The following ITGAV variants were observed in gnomAD, a reference collection of about 807,000 sequenced individuals.
ITGAV encodes the protein integrin subunit alpha V, also known as integrin alpha-V.
A neutral mutation model predicts 143.8 loss-of-function variants in ITGAV; 76 were observed. The ratio of observed to expected loss-of-function variants is 0.53; its 90% CI spans 0.44 to 0.64. The LOEUF (loss-of-function observed/expected upper bound fraction) is 0.64, where lower values mean the gene tolerates loss of function less well. Ranked by LOEUF, ITGAV falls within the 30% of genes least tolerant of loss-of-function variation. ITGAV has a pLI of 0.00. For missense variants in ITGAV, 1,193 were observed against 1,274.7 expected (o/e 0.94, Z 0.98); for synonymous variants, 453 against 446.7 (o/e 1.01, Z -0.18).
At chr2:186,590,557 C>T (rs200563846) in intron 1 of ITGAV, 34 bp downstream of exon 1, 253 of 1,572,562 alleles carry the variant, frequency 1.6e-4, no homozygotes, top group Non-Finnish European at 2.1e-4. Flanking sequence ...GAGCCGGCCC[C>T]CTCCCCCACC....
At chr2:186,645,301 T>C (rs570107164) in intron 12 of ITGAV, among the ~76,000 whole-genome samples, 316 of 152,210 alleles carry the variant, frequency 2.1e-3, no homozygotes, top group Non-Finnish European at 3.6e-3. Flanking sequence ...CAGAACGACA[T>C]TGATCTATCA....
At position 186,592,600 on chromosome 2, in the gene ITGAV, A is replaced by G. The variant is rs190657726; in HGVS notation, c.185+2077A>G. 2.6e-3 allele frequency among the ~76,000 whole-genome samples: 395 copies of G among 151,910 alleles called. 7 individuals carry two copies. The highest frequency in any genetic ancestry group is 0.015 in the Admixed American group (229 of 15,272). On this transcript the variant is annotated intron_variant, in intron 1 of 29. Coordinates refer to ENST00000261023, the MANE Select transcript of ITGAV (RefSeq NM_002210.5). The stretch of plus-strand genomic sequence containing the variant: ...TTTTTTTTTTTTCCATGAAAAATGC[A>G]GTGATGTTGAACTCTTCATGATATT...
intron 1 of ITGAV, among the ~76,000 whole-genome samples, chr2:186,593,372 C>CA (rs1224033967): frequency 1.3e-5 from 2 of 151,716 alleles, no homozygotes; most frequent in African/African-American, 2.4e-5. Flanking sequence ...GGCGGCCCCT[C>CA]AAAAAATCAC....
chr2:186,594,925 C>T (rs1422022311), intron 1 of ITGAV, among the ~76,000 whole-genome samples: 1 of 152,094 alleles, frequency 6.6e-6, no homozygotes, highest in Non-Finnish European at 1.5e-5. Context: ...GAAAGCAAAT[C>T]CTATATTACT....
At chr2:186,620,214 A>G (rs1687483522) in intron 2 of ITGAV, among the ~76,000 whole-genome samples, 1 of 152,106 alleles carries the variant, frequency 6.6e-6, no homozygotes, top group Admixed American at 6.5e-5. Flanking sequence ...ACTATTTTCC[A>G]CCATAATTGC....
chr2:186,595,324 T>C (rs920289732), intron 1 of ITGAV, among the ~76,000 whole-genome samples: 11 of 152,210 alleles, frequency 7.2e-5, no homozygotes, highest in Non-Finnish European at 8.8e-5. Context: ...TGTCATTGTT[T>C]GGCAGGTTGC....
chr2:186,618,592 A>G (rs1371099041), intron 2 of ITGAV, among the ~76,000 whole-genome samples: 1 of 152,250 alleles, frequency 6.6e-6, no homozygotes, highest in East Asian at 1.9e-4. Flanking sequence ...GTGCCACCGT[A>G]TACAAATTTA....
rs201057350 is a variant in ITGAV at position 186,656,214 on chromosome 2, A to G, written c.1565-33A>G. ...TAGGATAGATAGATGTCCATAAAGA[A>G]TATGTTGGTTATAAATCCTTTGGTT... On this transcript the variant is annotated intron_variant, in intron 16 of 29. Coordinates refer to ENST00000261023, the MANE Select transcript of ITGAV (RefSeq NM_002210.5). The G allele has an allele frequency of 7.4e-5, 114 of 1,531,370 alleles. No individual in the cohort carries two copies. In the African/African-American group the frequency reaches 1.3e-3, roughly 18 times the overall value. The allele number at this position is 1,531,370 out of a possible 1,614,324, so 94.9% of individuals were successfully genotyped here.
intron 24 of ITGAV, chr2:186,668,164 C>T (rs1426600394): frequency 2.5e-5 from 2 of 80,556 alleles, no homozygotes; most frequent in African/African-American, 4.8e-5. Flanking sequence ...AAATATTTTG[C>T]CTTTTGTTTA....
chr2:186,649,331 T>C (rs1688360445), intron 13 of ITGAV, among the ~76,000 whole-genome samples: 2 of 152,082 alleles, frequency 1.3e-5, no homozygotes, highest in Admixed American at 1.3e-4. Flanking sequence ...TTGGGTATAC[T>C]GTGAGATAGA....
At chr2:186,599,911 C>G (rs189097159) in intron 1 of ITGAV, among the ~76,000 whole-genome samples, 3 of 152,282 alleles carry the variant, frequency 2.0e-5, no homozygotes, top group South Asian at 2.1e-4. Flanking sequence ...TTCCACCCAC[C>G]CTCTTACTGC....
At position 186,622,409 on chromosome 2, in the gene ITGAV, G is replaced by C. The variant is rs1687554319; in HGVS notation, c.387G>C (p.Arg129Ser). The change falls in exon 3 of 30, where the codon AGG becomes AGC. Residue 129 changes from arginine (R) to serine (S), a missense_variant. Physicochemically the swap from Arg to Ser is moderately radical, Grantham distance 110 (BLOSUM62 -1). Coordinates refer to ENST00000261023, the MANE Select transcript of ITGAV (RefSeq NM_002210.5). ...ATCAGTGGTTTGGAGCATCTGTGAGGTCGAAACAGGATAAAATTTTGGTGA... is the reference window on the plus strand; with the variant it reads ...ATCAGTGGTTTGGAGCATCTGTGAGCTCGAAACAGGATAAAATTTTGGTGA... ...KSHQWFGASV[R>S]SKQDKILACA... The C allele has an allele frequency of 1.2e-6, 2 of 1,612,712 alleles. No individual in the cohort carries two copies. Among genetic ancestry groups the C allele is most frequent in the Non-Finnish European group, 1.7e-6 (2 of 1,178,862 alleles).
At chr2:186,604,625 A>T (rs1158174173) in intron 2 of ITGAV, among the ~76,000 whole-genome samples, 1 of 152,140 alleles carries the variant, frequency 6.6e-6, no homozygotes, top group African/African-American at 2.4e-5. Context: ...ACCCATGGCA[A>T]CCTCATTTAT....
intron 4 of ITGAV, among the ~76,000 whole-genome samples, chr2:186,627,459 T>C (rs1463704091): frequency 6.6e-6 from 1 of 152,242 alleles, no homozygotes; most frequent in Non-Finnish European, 1.5e-5. Flanking sequence ...GGATAATTCC[T>C]GATATGTAAG....
At chr2:186,606,429 G>A (rs750486845) in intron 2 of ITGAV, among the ~76,000 whole-genome samples, 7 of 152,090 alleles carry the variant, frequency 4.6e-5, no homozygotes, top group Non-Finnish European at 8.8e-5. Flanking sequence ...GGATTACATC[G>A]CATGAGTTAA....
intron 2 of ITGAV, among the ~76,000 whole-genome samples, chr2:186,609,919 A>G (rs2105667136): frequency 6.6e-6 from 1 of 152,224 alleles, no homozygotes. Flanking sequence ...TTTTAAAAAC[A>G]TACTCTAAAG....
At chr2:186,608,580 G>A (rs531969987) in intron 2 of ITGAV, among the ~76,000 whole-genome samples, 1 of 152,136 alleles carries the variant, frequency 6.6e-6, no homozygotes, top group Admixed American at 6.6e-5. Flanking sequence ...TTAGTGCACT[G>A]AGTACAGTTC....
chr2:186,593,473 A>G (rs1039272277), intron 1 of ITGAV, among the ~76,000 whole-genome samples: 1 of 149,472 alleles, frequency 6.7e-6, no homozygotes, highest in African/African-American at 2.5e-5. Context: ...TTTTTTTTCT[A>G]TAAGCATTTA....
At chr2:186,668,688 A>C (rs951810902) in intron 24 of ITGAV, 74 bp from the exon 25 acceptor site, 51 of 1,308,362 alleles carry the variant, frequency 3.9e-5, no homozygotes, top group Non-Finnish European at 6.5e-6. Context: ...ATGATTTCTA[A>C]AGTTGATGTA....
Sources: allele counts gnomAD v4.1 joint callset (sites outside exome capture counted in the v4.1 genomes callset), GRCh38; gene constraint gnomAD v4.1.1; transcripts MANE v1.5; gene names NCBI Gene and HGNC (gene_info 2026-07-23, HGNC 2026-07-21).